Variants in CNTNAP2 observed in about 807,000 individuals in gnomAD.
CNTNAP2 encodes contactin associated protein 2, also known as contactin-associated protein-like 2.
In CNTNAP2, 98 loss-of-function variants were observed where a neutral mutation model predicts 155.2. The ratio of observed to expected loss-of-function variants is 0.63; its 90% confidence interval spans 0.54 to 0.75. The LOEUF (loss-of-function observed/expected upper bound fraction) is 0.75. Ranked by LOEUF, CNTNAP2 falls within the 30% of genes least tolerant of loss-of-function variation. The pLI, the probability that CNTNAP2 is intolerant of heterozygous loss-of-function variation, is 0.00. For missense variants in CNTNAP2, 1,727 were observed against 1,688.1 expected (o/e 1.02, Z -0.40); for synonymous variants, 651 against 631.2 (o/e 1.03, Z -0.47).
chr7:147,840,644 A>G lies in CNTNAP2; in HGVS notation c.2099-62921A>G, dbSNP rs554561742. Among the ~76,000 whole-genome samples the G allele has an allele frequency of 1.8e-4, 28 of 152,338 alleles. 1 individual carries two copies. The highest frequency in any genetic ancestry group is 6.5e-4 in the African/African-American group (27 of 41,582). ...CATGGGCTAATTTGTGCTTAAGAAAAATCACTCTGGTCACAGTGGAAAGGA... is the reference window on the plus strand; with the variant it reads ...CATGGGCTAATTTGTGCTTAAGAAAGATCACTCTGGTCACAGTGGAAAGGA... On this transcript the variant is annotated intron_variant, in intron 13 of 23. Coordinates refer to ENST00000361727, the MANE Select transcript of CNTNAP2 (RefSeq NM_014141.6).
chr7:148,037,897 G>A (rs1187543166), intron 15 of CNTNAP2, among the ~76,000 whole-genome samples: 2 of 152,158 alleles, frequency 1.3e-5, no homozygotes, highest in Admixed American at 6.5e-5. Context: ...TTGACTTACA[G>A]TAGATTTATT....
intron 15 of CNTNAP2, among the ~76,000 whole-genome samples, chr7:148,114,578 G>C (rs775584788): frequency 5.9e-5 from 9 of 152,122 alleles, no homozygotes; most frequent in Non-Finnish European, 1.3e-4. Context: ...ACTGGAAAAG[G>C]CACGCATATA....
chr7:147,809,287 C>T (rs967075428), intron 13 of CNTNAP2, among the ~76,000 whole-genome samples: 16 of 152,212 alleles, frequency 1.1e-4, no homozygotes, highest in Non-Finnish European at 7.3e-5. Flanking sequence ...TCCTCCCTGG[C>T]CCTCAGCTTC....
At chr7:148,061,954 T>TATAGATAG (rs10535597) in intron 15 of CNTNAP2, among the ~76,000 whole-genome samples, 999 of 95,894 alleles carry the variant, frequency 0.01, 44 homozygotes, top group East Asian at 0.085. Context: ...GATAAACAGA[T>TATAGATAG]ATAGATAGAT....
chr7:148,059,542 G>A (rs1215998481), intron 15 of CNTNAP2, among the ~76,000 whole-genome samples: 3 of 149,932 alleles, frequency 2.0e-5, no homozygotes, highest in Admixed American at 6.7e-5. Flanking sequence ...GAGCTGAGAC[G>A]GTGCCCCATT....
intron 10 of CNTNAP2, among the ~76,000 whole-genome samples, chr7:147,476,402 C>G (rs927867195): frequency 6.6e-6 from 1 of 151,726 alleles, no homozygotes; most frequent in African/African-American, 2.4e-5. Context: ...ACCGCGCCCA[C>G]CTCTGTTTAT....
At chr7:147,028,710 C>T (rs1403798196) in intron 3 of CNTNAP2, among the ~76,000 whole-genome samples, 1 of 152,074 alleles carries the variant, frequency 6.6e-6, no homozygotes. Flanking sequence ...CATAAAGCTA[C>T]CAGGCTCTCA....
At chr7:146,678,271 G>A (rs925194508) in intron 1 of CNTNAP2, among the ~76,000 whole-genome samples, 4 of 151,840 alleles carry the variant, frequency 2.6e-5, no homozygotes, top group South Asian at 2.1e-4. Flanking sequence ...GTCTCACCAC[G>A]TTGGCCGGGC....
At chr7:147,120,250 A>G (rs78475202) in intron 5 of CNTNAP2, among the ~76,000 whole-genome samples, 6,321 of 152,316 alleles carry the variant, frequency 0.041, 403 homozygotes, top group African/African-American at 0.14. Flanking sequence ...TATGTTCACT[A>G]TATGCCAGAA....
At chr7:146,893,864 A>T (rs1017157661) in intron 3 of CNTNAP2, among the ~76,000 whole-genome samples, 1 of 152,204 alleles carries the variant, frequency 6.6e-6, no homozygotes, top group African/African-American at 2.4e-5. Flanking sequence ...GTTTCAATAG[A>T]AGAAGTAAGA....
At chr7:146,579,790 G>A (rs1270915336) in intron 1 of CNTNAP2, among the ~76,000 whole-genome samples, 1 of 152,118 alleles carries the variant, frequency 6.6e-6, no homozygotes, top group Non-Finnish European at 1.5e-5. Context: ...AAGTTTTGGT[G>A]CCTCAGTGTC....
chr7:148,272,657 C>A (rs958958684), intron 21 of CNTNAP2, among the ~76,000 whole-genome samples: 1 of 152,046 alleles, frequency 6.6e-6, no homozygotes, highest in South Asian at 2.1e-4. Flanking sequence ...AAAATATATA[C>A]AATCACCTAA....
At chr7:148,213,386 C>T (rs1474718378) in intron 18 of CNTNAP2, among the ~76,000 whole-genome samples, 2 of 152,128 alleles carry the variant, frequency 1.3e-5, no homozygotes, top group Non-Finnish European at 2.9e-5. Flanking sequence ...AGCTGAGGTT[C>T]TTGCCGGTGA....
At chr7:147,055,386 A>G (rs1799541050) in intron 4 of CNTNAP2, among the ~76,000 whole-genome samples, 1 of 152,188 alleles carries the variant, frequency 6.6e-6, no homozygotes, top group South Asian at 2.1e-4. Context: ...CAGAGAGCAC[A>G]TGTCTGATGA....
At chr7:146,505,609 T>G (rs538257644) in intron 1 of CNTNAP2, among the ~76,000 whole-genome samples, 1 of 152,302 alleles carries the variant, frequency 6.6e-6, no homozygotes, top group African/African-American at 2.4e-5. Flanking sequence ...AAGTACCCAA[T>G]GAGTGACATG....
chr7:148,358,508 G>C (rs78248022), intron 21 of CNTNAP2, among the ~76,000 whole-genome samples: 1 of 152,168 alleles, frequency 6.6e-6, no homozygotes, highest in South Asian at 2.1e-4. Flanking sequence ...CTGTTCACCC[G>C]CTGGGAGCCT....
intron 12 of CNTNAP2, among the ~76,000 whole-genome samples, chr7:147,562,536 A>G (rs574255852): frequency 2.7e-4 from 41 of 152,332 alleles, no homozygotes; most frequent in Non-Finnish European, 4.3e-4. Context: ...GTAAAGTTGC[A>G]AAGTTCAGCC....
rs546842424 is a variant in CNTNAP2 at position 148,363,084 on chromosome 7, C to T, written c.3476-20565C>T. On this transcript the variant is annotated intron_variant, in intron 21 of 23. Transcript: ENST00000361727. ...GCAACCTCCACCTCCTGGGTTCAAGCGATTCTCCTGCCTCAGCCTCCCGAG... is the reference window on the plus strand; with the variant it reads ...GCAACCTCCACCTCCTGGGTTCAAGTGATTCTCCTGCCTCAGCCTCCCGAG... Among the ~76,000 whole-genome samples, 17 of 152,248 alleles carry T rather than the reference C, an allele frequency of 1.1e-4. No individual in the cohort carries two copies. In the East Asian group the frequency reaches 1.2e-3, roughly 10 times the overall value.
intron 15 of CNTNAP2, among the ~76,000 whole-genome samples, chr7:148,039,959 T>C (rs1232413980): frequency 6.6e-6 from 1 of 152,212 alleles, no homozygotes; most frequent in Non-Finnish European, 1.5e-5. Flanking sequence ...TTCTCTGTTC[T>C]TTCTACCAAG....
Sources: gnomAD v4.1 joint callset for allele counts (sites outside exome capture counted in the v4.1 genomes callset) on GRCh38, gnomAD v4.1.1 for gene constraint, MANE v1.5 for transcripts, NCBI Gene and HGNC (gene_info 2026-07-23, HGNC 2026-07-21) for gene names.